HDAC8: variants seen among roughly 807,000 people sequenced by gnomAD.
HDAC8 encodes histone deacetylase-like 1.
In HDAC8, 1 loss-of-function variant was observed where a neutral mutation model predicts 32.2. The ratio of observed to expected loss-of-function variants is 0.03; its 90% CI spans 0.01 to 0.15. The LOEUF (loss-of-function observed/expected upper bound fraction) is 0.15. Among genes scored for constraint, HDAC8 ranks in the 10% least tolerant of loss-of-function variants. The pLI is 1.00. For synonymous variants in HDAC8, 108 were observed against 113.9 expected, an observed-to-expected ratio of 0.95 and a Z score of 0.33; for missense variants, 117 against 300.0, an observed-to-expected ratio of 0.39 and a Z score of 4.51.
intron 4 of HDAC8, among the ~76,000 whole-genome samples, chrX:72,561,122 G>A (rs782456887): frequency 6.3e-5 from 7 of 111,608 alleles, no homozygotes; most frequent in Non-Finnish European, 1.1e-4. Context: ...CCATACTGCC[G>A]AAAGCAATCT....
intron 4 of HDAC8, 193 bp downstream of exon 4, chrX:72,567,696 C>A: frequency 8.4e-7 from 1 of 1,194,656 alleles, no homozygotes; most frequent in Non-Finnish European, 1.1e-6. Context: ...GGTGTCCTGA[C>A]TTTGAGCAGT....
chrX:72,404,032 T>C (rs2045974649), intron 9 of HDAC8, among the ~76,000 whole-genome samples: 1 of 112,035 alleles, frequency 8.9e-6, no homozygotes, highest in East Asian at 2.8e-4. Context: ...ATGAATAAAA[T>C]AAACAAAAAC....
intron 9 of HDAC8, among the ~76,000 whole-genome samples, chrX:72,437,603 C>T (rs1255897219): frequency 8.9e-6 from 1 of 112,129 alleles, no homozygotes; most frequent in South Asian, 3.7e-4. Context: ...TTGAAATTCT[C>T]GCTGCCAGCA....
At chrX:72,493,400 C>T (rs1213946048) in intron 5 of HDAC8, among the ~76,000 whole-genome samples, 1 of 111,444 alleles carries the variant, frequency 9.0e-6, no homozygotes, top group Non-Finnish European at 1.9e-5. Context: ...GGTATTAAAA[C>T]GTAGTTTCTT....
rs782098454 is a variant in HDAC8 at position 72,329,706 on chromosome X, G to C, written c.*348C>G. The C allele has an allele frequency of 8.4e-6, 10 of 1,184,694 alleles. No homozygotes were observed. The highest frequency in any genetic ancestry group is 3.6e-5 in the African/African-American group (2 of 56,181). On this transcript the variant is annotated 3_prime_UTR_variant, in exon 11 of 11. Transcript: ENST00000373573. ...ACAAACTGGTGACTGCTCTCATCCA[G>C]CTTCTGATCTGTTTCATTTAAGATG... is the stretch of plus-strand genomic sequence containing the variant.
intron 2 of HDAC8, among the ~76,000 whole-genome samples, chrX:72,569,390 T>C (rs1318748192): frequency 8.9e-6 from 1 of 112,255 alleles, no homozygotes; most frequent in Non-Finnish European, 1.9e-5. Flanking sequence ...CTCTATAACC[T>C]CAGATAAGTC....
At chrX:72,560,287 T>C (rs1380459460) in intron 4 of HDAC8, among the ~76,000 whole-genome samples, 6 of 111,023 alleles carry the variant, frequency 5.4e-5, no homozygotes, top group African/African-American at 2.0e-4. Context: ...CTCTGAAACA[T>C]GTGCTGTGTC....
intron 9 of HDAC8, among the ~76,000 whole-genome samples, chrX:72,380,874 T>C (rs5958786): frequency 0.019 from 2,156 of 112,306 alleles, 52 homozygotes; most frequent in African/African-American, 0.066. Flanking sequence ...AATATAAAAT[T>C]ACTAATAAGA....
At chrX:72,490,431 G>T (rs868962270) in intron 6 of HDAC8, among the ~76,000 whole-genome samples, 47 of 107,546 alleles carry the variant, frequency 4.4e-4, no homozygotes, top group Middle Eastern at 4.7e-3. Flanking sequence ...CCATAAAAAA[G>T]GATGAGTTCA....
At chrX:72,566,627 G>A (rs924206092) in intron 4 of HDAC8, among the ~76,000 whole-genome samples, 1 of 112,131 alleles carries the variant, frequency 8.9e-6, no homozygotes, top group African/African-American at 3.2e-5. Flanking sequence ...CTAAGGTCAC[G>A]GTTGATTGCA....
chrX:72,426,456 TAC>T (rs1400382350), intron 9 of HDAC8, among the ~76,000 whole-genome samples: 1 of 112,035 alleles, frequency 8.9e-6, no homozygotes, highest in Non-Finnish European at 1.9e-5. Flanking sequence ...ATTTGAAATG[TAC>T]AGAGTTCAAA....
chrX:72,336,643 C>T (rs1555942586), intron 10 of HDAC8, among the ~76,000 whole-genome samples: 1 of 111,378 alleles, frequency 9.0e-6, no homozygotes, highest in African/African-American at 3.3e-5. Flanking sequence ...GTTTTGAACT[C>T]CTGGCCTCAA....
At chrX:72,387,154 G>A (rs2045459497) in intron 9 of HDAC8, among the ~76,000 whole-genome samples, 1 of 112,601 alleles carries the variant, frequency 8.9e-6, no homozygotes, top group Non-Finnish European at 1.9e-5. Context: ...ATTTAAGCCT[G>A]CGTGTGAACT....
intron 9 of HDAC8, among the ~76,000 whole-genome samples, chrX:72,446,524 G>T (rs1197284429): frequency 9.1e-6 from 1 of 110,292 alleles, no homozygotes; most frequent in Non-Finnish European, 1.9e-5. Flanking sequence ...ATCACACTCT[G>T]GGGACTGTTG....
At chrX:72,443,625 A>T (rs879090439) in intron 9 of HDAC8, among the ~76,000 whole-genome samples, 1 of 110,815 alleles carries the variant, frequency 9.0e-6, no homozygotes, top group South Asian at 3.8e-4. Context: ...AATTAAAAGA[A>T]CTAGAAAAGC....
intron 9 of HDAC8, among the ~76,000 whole-genome samples, chrX:72,439,439 A>G (rs976517972): frequency 1.8e-5 from 2 of 111,057 alleles, no homozygotes; most frequent in African/African-American, 6.6e-5. Context: ...CATCATAATG[A>G]CAGGATCAAA....
At chrX:72,442,795 T>C (rs1427289028) in intron 9 of HDAC8, among the ~76,000 whole-genome samples, 2 of 111,647 alleles carry the variant, frequency 1.8e-5, no homozygotes, top group East Asian at 5.6e-4. Flanking sequence ...AAACCCATCT[T>C]ACATGCAGAG....
chrX:72,558,227 C>A (rs1473215971), intron 4 of HDAC8, among the ~76,000 whole-genome samples: 1 of 111,660 alleles, frequency 9.0e-6, no homozygotes, highest in East Asian at 2.8e-4. Context: ...GGAATCCTCC[C>A]TAAATCATTC....
At chrX:72,384,492 T>G (rs1268321626) in intron 9 of HDAC8, among the ~76,000 whole-genome samples, 1 of 111,216 alleles carries the variant, frequency 9.0e-6, no homozygotes, top group Admixed American at 9.6e-5. Flanking sequence ...CATTCTTGCA[T>G]TGGGGTGGGG....
Sources: allele counts gnomAD v4.1 joint callset (sites outside exome capture counted in the v4.1 genomes callset), GRCh38; gene constraint gnomAD v4.1.1; transcripts MANE v1.5; gene names NCBI Gene and HGNC (gene_info 2026-07-23, HGNC 2026-07-21).